KCNK1: variants seen among roughly 807,000 people sequenced by gnomAD.
KCNK1 encodes the protein potassium two pore domain channel subfamily K member 1, also known as potassium channel subfamily K member 1.
A neutral mutation model predicts 22.2 loss-of-function variants in KCNK1; 10 were observed. The observed-to-expected ratio is 0.45, with a 90% CI of 0.28 to 0.76. The LOEUF (loss-of-function observed/expected upper bound fraction) is 0.76. KCNK1 is among the 30% of genes least tolerant of loss of function. KCNK1 has a pLI of 0.14. For missense variants in KCNK1, 378 were observed against 421.0 expected, an observed-to-expected ratio of 0.90 and a Z score of 0.89; for synonymous variants, 200 against 186.4, an observed-to-expected ratio of 1.07 and a Z score of -0.60.
chr1:233,653,150 C>G (rs973450412), intron 1 of KCNK1, among the ~76,000 whole-genome samples: 2 of 152,198 alleles, frequency 1.3e-5, no homozygotes, highest in Admixed American at 1.3e-4. Context: ...ATGATTCAAA[C>G]TAGCTAACCC....
intron 2 of KCNK1, among the ~76,000 whole-genome samples, chr1:233,668,859 C>G (rs1291024989): frequency 1.3e-5 from 2 of 152,188 alleles, no homozygotes; most frequent in African/African-American, 4.8e-5. Flanking sequence ...CCCGCCTCAG[C>G]CTACCAAAGT....
chr1:233,627,521 G>A lies in KCNK1; in HGVS notation c.355+12995G>A, dbSNP rs1019295947. Among the ~76,000 whole-genome samples the A allele has an allele frequency of 1.2e-4, 18 of 149,994 alleles. 1 individual carries two copies. The highest frequency in any genetic ancestry group is 9.4e-4 in the Admixed American group (14 of 14,962). ...TTCTGAGTAGCAAAGCGCCCACATC[G>A]CTACCTACCTGCCACCCAGTGCTCT... On this transcript the variant is annotated intron_variant, in intron 1 of 2. Transcript: ENST00000366621.
At chr1:233,621,367 T>A (rs1358651415) in intron 1 of KCNK1, among the ~76,000 whole-genome samples, 1 of 152,232 alleles carries the variant, frequency 6.6e-6, no homozygotes, top group Admixed American at 6.5e-5. Context: ...GATATTTTGT[T>A]AAGGCAGCCC....
At chr1:233,616,366 G>A (rs535341027) in intron 1 of KCNK1, among the ~76,000 whole-genome samples, 12 of 152,254 alleles carry the variant, frequency 7.9e-5, no homozygotes, top group African/African-American at 2.9e-4. Context: ...ACATCATATT[G>A]TCTAATTAAA....
At chr1:233,615,047 C>T (rs1005283815) in intron 1 of KCNK1, among the ~76,000 whole-genome samples, 5 of 152,232 alleles carry the variant, frequency 3.3e-5, no homozygotes, top group Admixed American at 2.0e-4. Context: ...CCGGAGTGTG[C>T]CGTCCCTTTG....
In KCNK1 at chr1:233,634,019, C is replaced by T. The variant is rs552822878; in HGVS notation, c.355+19493C>T. Reference sequence around the variant, plus strand: ...TAGACACACACAATAAGAATATTTACATTTTGGGCCGGGCGCAGTGGCTTA... The same window carrying T: ...TAGACACACACAATAAGAATATTTATATTTTGGGCCGGGCGCAGTGGCTTA... On this transcript the variant is annotated intron_variant, in intron 1 of 2. Coordinates refer to ENST00000366621, the MANE Select transcript of KCNK1 (RefSeq NM_002245.4). Among the ~76,000 whole-genome samples, 7 of 152,128 alleles carry T rather than the reference C, an allele frequency of 4.6e-5. No homozygotes were observed. The South Asian group carries it at 1.5e-3, about 32-fold the overall frequency.
Position 233,633,821 on chromosome 1 carries a change from G to T in KCNK1, c.355+19295G>T, listed in dbSNP as rs1057040230. On this transcript the variant is annotated intron_variant, in intron 1 of 2. Coordinates refer to ENST00000366621, the MANE Select transcript of KCNK1 (RefSeq NM_002245.4). ...AAGAAAACATTAAGCCTCGTTAATGGTAGGTGTTAGGGGAAAACCCTAACA... is the reference window on the plus strand; with the variant it reads ...AAGAAAACATTAAGCCTCGTTAATGTTAGGTGTTAGGGGAAAACCCTAACA... 4.6e-5 allele frequency among the ~76,000 whole-genome samples: 7 copies of T among 152,150 alleles called. No individual in the cohort carries two copies. The South Asian group carries it at 6.2e-4, about 14-fold the overall frequency.
intron 1 of KCNK1, among the ~76,000 whole-genome samples, chr1:233,624,432 G>GTCTTCACCTGGCCTCACCTA (rs1339252070): frequency 1.3e-5 from 2 of 152,014 alleles, no homozygotes; most frequent in African/African-American, 4.8e-5. Flanking sequence ...CGTAACATCT[G>GTCTTCACCTGGCCTCACCTA]TCTTCACCTG....
At chr1:233,654,208 G>C (rs1658249466) in intron 1 of KCNK1, among the ~76,000 whole-genome samples, 1 of 147,354 alleles carries the variant, frequency 6.8e-6, no homozygotes, top group Admixed American at 6.7e-5. Flanking sequence ...GGGTGGGGGG[G>C]AAAGGGAAGG....
At chr1:233,631,373 C>T (rs1189388176) in intron 1 of KCNK1, 11 of 481,860 alleles carry the variant, frequency 2.3e-5, no homozygotes, top group African/African-American at 4.0e-5. Flanking sequence ...TTTAATTAGG[C>T]CTGCTTCTTT....
chr1:233,652,973 C>A (rs377761791), intron 1 of KCNK1, among the ~76,000 whole-genome samples: 2 of 152,224 alleles, frequency 1.3e-5, no homozygotes, highest in Non-Finnish European at 2.9e-5. Flanking sequence ...AAAGGACTCA[C>A]CTGTGAGCAT....
chr1:233,634,203 G>A (rs1419911525), intron 1 of KCNK1, among the ~76,000 whole-genome samples: 1 of 151,760 alleles, frequency 6.6e-6, no homozygotes, highest in East Asian at 1.9e-4. Context: ...CTACTTGGGA[G>A]GCTGAGGCAG....
intron 1 of KCNK1, among the ~76,000 whole-genome samples, chr1:233,628,620 C>T (rs1018957075): frequency 3.3e-5 from 5 of 151,854 alleles, no homozygotes; most frequent in Non-Finnish European, 7.4e-5. Context: ...ATTAGCCAGG[C>T]GTGGTGGTGG....
intron 1 of KCNK1, among the ~76,000 whole-genome samples, chr1:233,643,078 G>A (rs1331168851): frequency 1.3e-5 from 2 of 151,970 alleles, no homozygotes; most frequent in African/African-American, 2.4e-5. Flanking sequence ...GCTGTGCCCA[G>A]CCTCTTGGTG....
chr1:233,666,209 G>A (rs376951547), intron 1 of KCNK1, among the ~76,000 whole-genome samples: 1 of 152,194 alleles, frequency 6.6e-6, no homozygotes, highest in Non-Finnish European at 1.5e-5. Flanking sequence ...AACTGAAGGG[G>A]TGGAGGGGAT....
chr1:233,669,381 A>G (rs1278537092), intron 2 of KCNK1, among the ~76,000 whole-genome samples: 1 of 152,202 alleles, frequency 6.6e-6, no homozygotes, highest in African/African-American at 2.4e-5. Flanking sequence ...AATGTGGATC[A>G]TTTTTTAAAA....
intron 1 of KCNK1, chr1:233,636,606 T>A (rs1200114478): frequency 6.6e-6 from 1 of 152,488 alleles, no homozygotes. Flanking sequence ...ATCTGTTAAG[T>A]TTAGATGCCT....
intron 1 of KCNK1, among the ~76,000 whole-genome samples, chr1:233,658,432 ATAAT>A (rs1165391064): frequency 6.6e-6 from 1 of 152,232 alleles, no homozygotes; most frequent in African/African-American, 2.4e-5. Context: ...TTTTGGACAC[ATAAT>A]TAATAAGCAG....
intron 1 of KCNK1, among the ~76,000 whole-genome samples, chr1:233,633,551 C>A (rs1032206898): frequency 6.6e-6 from 1 of 152,090 alleles, no homozygotes; most frequent in Admixed American, 6.6e-5. Flanking sequence ...ATCAAATAGG[C>A]CTATCTCTCT....
Sources: gnomAD v4.1 joint callset for allele counts (sites outside exome capture counted in the v4.1 genomes callset) on GRCh38, gnomAD v4.1.1 for gene constraint, MANE v1.5 for transcripts, NCBI Gene and HGNC (gene_info 2026-07-23, HGNC 2026-07-21) for gene names.